The following LMF1 variants were observed in gnomAD, a reference collection of about 807,000 sequenced individuals.
LMF1 encodes the protein transmembrane protein 112.
LMF1 carries 68 observed loss-of-function variants against 60.6 expected under a neutral mutation model. The observed-to-expected ratio is 1.12, with a 90% confidence interval of 0.92 to 1.37. The LOEUF is 1.37. LMF1 is among the 40% of genes most tolerant of loss of function. The probability of loss-of-function intolerance (pLI) is 0.00; values close to 1 mark genes in which losing one functional copy is unlikely to be tolerated. For synonymous variants in LMF1, 418 were observed against 324.7 expected, an observed-to-expected ratio of 1.29 and a Z score of -3.09; for missense variants, 948 against 767.2, an observed-to-expected ratio of 1.24 and a Z score of -2.78.
chr16:909,900 C>T (rs546390898), intron 4 of LMF1, among the ~76,000 whole-genome samples: 3 of 152,362 alleles, frequency 2.0e-5, no homozygotes, highest in Non-Finnish European at 4.4e-5. Context: ...CTGGCGTGAG[C>T]GCGCTGTCGG....
At chr16:871,391 C>G in intron 6 of LMF1, 50 bp from the exon 7 acceptor site, 2 of 1,580,936 alleles carry the variant, frequency 1.3e-6, no homozygotes, top group South Asian at 2.3e-5. Context: ...TGTGGGGCCC[C>G]TGGGCAGCTG....
intron 6 of LMF1, among the ~76,000 whole-genome samples, chr16:876,514 C>T (rs1477490200): frequency 3.3e-5 from 5 of 152,044 alleles, no homozygotes; most frequent in African/African-American, 4.8e-5. Flanking sequence ...AGGTCCTGGC[C>T]GATGCAAGAC....
chr16:856,677 C>T (rs2069192732), intron 10 of LMF1, among the ~76,000 whole-genome samples: 1 of 152,260 alleles, frequency 6.6e-6, no homozygotes, highest in Non-Finnish European at 1.5e-5. Context: ...AGGGTCAGAA[C>T]CCTCTGTGCC....
At chr16:892,875 C>T (rs991625930) in intron 5 of LMF1, 132 bp downstream of exon 5, 12 of 665,342 alleles carry the variant, frequency 1.8e-5, no homozygotes, top group Middle Eastern at 4.3e-4. Flanking sequence ...AGGGAGAGGA[C>T]GTCCTGAATC....
At chr16:946,009 C>T (rs1459734080) in intron 2 of LMF1, among the ~76,000 whole-genome samples, 2 of 152,218 alleles carry the variant, frequency 1.3e-5, no homozygotes, top group Non-Finnish European at 1.5e-5. Flanking sequence ...CCTCTGGAAA[C>T]AGCTGACATG....
At chr16:907,198 G>A (rs549149363) in intron 4 of LMF1, among the ~76,000 whole-genome samples, 2 of 152,144 alleles carry the variant, frequency 1.3e-5, no homozygotes, top group South Asian at 2.1e-4. Context: ...TCAGGAGGTC[G>A]AGACCATCCC....
chr16:948,044 C>T (rs1327432487), intron 2 of LMF1, among the ~76,000 whole-genome samples: 4 of 139,756 alleles, frequency 2.9e-5, no homozygotes, highest in Non-Finnish European at 6.2e-5. Context: ...ACAGAGTCAG[C>T]CAATGACAGA....
At chr16:914,604 A>ACTCC (rs796553865) in intron 3 of LMF1, among the ~76,000 whole-genome samples, 10 of 1,778 alleles carry the variant, frequency 5.6e-3, no homozygotes, top group African/African-American at 0.016. Context: ...CTGGTGACAC[A>ACTCC]CTCCCTCCCT....
chr16:913,589 GCCCTCC>G (rs1476368459), intron 3 of LMF1, among the ~76,000 whole-genome samples: 1 of 152,226 alleles, frequency 6.6e-6, no homozygotes, highest in Admixed American at 6.5e-5. Context: ...CTTCTCAGCT[GCCCTCC>G]CCCTCAGGAT....
At chr16:944,717 TCCTCTC>T (rs2072193111) in intron 2 of LMF1, among the ~76,000 whole-genome samples, 1 of 152,146 alleles carries the variant, frequency 6.6e-6, no homozygotes, top group Admixed American at 6.6e-5. Flanking sequence ...ATGTGAGACG[TCCTCTC>T]CCTCAAACTG....
intron 5 of LMF1, among the ~76,000 whole-genome samples, chr16:881,211 C>T (rs986114671): frequency 1.3e-4 from 20 of 152,200 alleles, no homozygotes; most frequent in East Asian, 7.7e-4. Flanking sequence ...AGGGGGTGAC[C>T]GGGCACAGGG....
intron 1 of LMF1, among the ~76,000 whole-genome samples, chr16:960,451 G>A (rs1156426976): frequency 3.4e-5 from 3 of 88,288 alleles, no homozygotes; most frequent in Non-Finnish European, 2.3e-5. Context: ...ACAGACTCAC[G>A]GTGACAGCAC....
Position 897,295 on chromosome 16 carries a change from G to T in LMF1, c.664-4223C>A, listed in dbSNP as rs2070692897. Among the ~76,000 whole-genome samples the T allele has an allele frequency of 6.6e-6, 1 of 152,290 alleles. No individual in the cohort carries two copies. Among genetic ancestry groups the T allele is most frequent in the East Asian group, 1.9e-4 (1 of 5,174 alleles). Reference sequence around the variant, plus strand: ...TTCTCTCACTTGGCCCCCAGAGGCCGCCATCCACCCTGCAGCGACAGCCCC... The same window carrying T: ...TTCTCTCACTTGGCCCCCAGAGGCCTCCATCCACCCTGCAGCGACAGCCCC... On this transcript the variant is annotated intron_variant, in intron 4 of 10. Coordinates refer to ENST00000262301, the MANE Select transcript of LMF1 (RefSeq NM_022773.4). The surrounding 1 kb of genome is among the most constrained non-coding windows in gnomAD (Gnocchi z 4.3).
At chr16:970,415 C>T (rs766160548) in intron 1 of LMF1, among the ~76,000 whole-genome samples, 5 of 152,100 alleles carry the variant, frequency 3.3e-5, no homozygotes, top group Non-Finnish European at 5.9e-5. Flanking sequence ...GACCTGCGCA[C>T]GGACGGGTGA....
chr16:976,212 C>T (rs1344426270), intron 1 of LMF1: 2 of 447,718 alleles, frequency 4.5e-6, no homozygotes, highest in East Asian at 7.0e-5. Context: ...GGGGCTGGGG[C>T]CCAGGGCCTC....
At chr16:978,775 C>T (rs2073250550) in intron 1 of LMF1, among the ~76,000 whole-genome samples, 1 of 152,016 alleles carries the variant, frequency 6.6e-6, no homozygotes, top group African/African-American at 2.4e-5. Flanking sequence ...GTGTGTGCAG[C>T]TCCCCCCTGG....
At chr16:944,823 T>C (rs751132326) in intron 2 of LMF1, among the ~76,000 whole-genome samples, 8 of 152,128 alleles carry the variant, frequency 5.3e-5, no homozygotes, top group South Asian at 2.1e-4. Context: ...AAACACCCCA[T>C]CTCGTCTCAA....
chr16:912,470 G>C (rs1409909436), intron 3 of LMF1, among the ~76,000 whole-genome samples: 2 of 152,242 alleles, frequency 1.3e-5, no homozygotes, highest in South Asian at 4.1e-4. Flanking sequence ...GTAACCCAAA[G>C]TACAAAATAA....
At chr16:915,585 T>C (rs1390059047) in intron 3 of LMF1, among the ~76,000 whole-genome samples, 1 of 151,926 alleles carries the variant, frequency 6.6e-6, no homozygotes, top group East Asian at 1.9e-4. Flanking sequence ...TGGGCTGGGC[T>C]GGGCAGCCGG....
Sources: allele counts gnomAD v4.1 joint callset (sites outside exome capture counted in the v4.1 genomes callset), GRCh38; gene constraint gnomAD v4.1.1; non-coding constraint Gnocchi (gnomAD v3.1); transcripts MANE v1.5; gene names NCBI Gene and HGNC (gene_info 2026-07-23, HGNC 2026-07-21).